Variants in PLGRKT observed in about 807,000 individuals in gnomAD.
PLGRKT encodes the protein plasminogen receptor with a C-terminal lysine.
Under a neutral mutation model 18.5 loss-of-function variants are expected in PLGRKT, and 22 were observed. The ratio of observed to expected loss-of-function variants is 1.19; its 90% CI spans 0.85 to 1.70. PLGRKT has a LOEUF of 1.70. PLGRKT is among the 40% of genes most tolerant of loss of function. The pLI is 0.00. For missense variants in PLGRKT, 235 were observed against 174.4 expected, an observed-to-expected ratio of 1.35 and a Z score of -1.96; for synonymous variants, 72 against 52.8, an observed-to-expected ratio of 1.36 and a Z score of -1.58.
chr9:5,392,041 T>C (rs562893982), intron 3 of PLGRKT, among the ~76,000 whole-genome samples: 1 of 152,036 alleles, frequency 6.6e-6, no homozygotes, highest in East Asian at 1.9e-4. Flanking sequence ...ATATGTACCA[T>C]GAGACCTAGA....
intron 3 of PLGRKT, among the ~76,000 whole-genome samples, chr9:5,416,013 T>A (rs1818452029): frequency 6.6e-6 from 1 of 151,980 alleles, no homozygotes; most frequent in South Asian, 2.1e-4. Flanking sequence ...CTGGTTTTGA[T>A]CATTGTACAA....
At chr9:5,384,119 T>C (rs941594118) in intron 3 of PLGRKT, among the ~76,000 whole-genome samples, 5 of 152,238 alleles carry the variant, frequency 3.3e-5, no homozygotes, top group African/African-American at 1.2e-4. Context: ...ATTGGAGTTC[T>C]AGGTTTGAGA....
chr9:5,359,835 A>C (rs1475859084), intron 5 of PLGRKT, among the ~76,000 whole-genome samples: 2 of 152,228 alleles, frequency 1.3e-5, no homozygotes, highest in East Asian at 3.8e-4. Flanking sequence ...TTTACCAACC[A>C]GTTCTCTGAA....
intron 3 of PLGRKT, among the ~76,000 whole-genome samples, chr9:5,395,371 T>C (rs1289823423): frequency 6.6e-6 from 1 of 151,952 alleles, no homozygotes; most frequent in Non-Finnish European, 1.5e-5. Flanking sequence ...TTTATAATAA[T>C]TGTCAAGCAA....
intron 3 of PLGRKT, among the ~76,000 whole-genome samples, chr9:5,380,119 C>G (rs945668471): frequency 2.0e-5 from 3 of 152,106 alleles, no homozygotes; most frequent in African/African-American, 7.2e-5. Flanking sequence ...AATCCCCGCA[C>G]TTTGGGAGGC....
At chr9:5,419,994 A>G (rs1290798368) in intron 3 of PLGRKT, among the ~76,000 whole-genome samples, 1 of 152,244 alleles carries the variant, frequency 6.6e-6, no homozygotes, top group African/African-American at 2.4e-5. Context: ...ACATATGACT[A>G]GGTAAACAAA....
intron 3 of PLGRKT, among the ~76,000 whole-genome samples, chr9:5,405,850 A>G (rs1371000316): frequency 6.6e-6 from 1 of 152,206 alleles, no homozygotes; most frequent in Non-Finnish European, 1.5e-5. Context: ...AATTTTTGCA[A>G]TCTATCCATC....
chr9:5,367,832 T>C (rs1817428321), intron 3 of PLGRKT, among the ~76,000 whole-genome samples: 3 of 151,980 alleles, frequency 2.0e-5, no homozygotes. Flanking sequence ...TATTTGCAAA[T>C]TATATATCTG....
At chr9:5,427,631 T>G (rs1818728471) in intron 3 of PLGRKT, among the ~76,000 whole-genome samples, 2 of 152,232 alleles carry the variant, frequency 1.3e-5, no homozygotes, top group Non-Finnish European at 1.5e-5. Context: ...TAGGCTTCAG[T>G]ACAATCCATG....
chr9:5,437,009 C>T (rs891732908), intron 1 of PLGRKT, among the ~76,000 whole-genome samples: 4 of 152,160 alleles, frequency 2.6e-5, no homozygotes, highest in Non-Finnish European at 5.9e-5. Context: ...CAATTTTAAA[C>T]ATCACTGTGT....
intron 3 of PLGRKT, among the ~76,000 whole-genome samples, chr9:5,391,345 G>A (rs1026843152): frequency 1.3e-5 from 2 of 151,940 alleles, no homozygotes; most frequent in Admixed American, 1.3e-4. Flanking sequence ...GGAAATAAAA[G>A]CTAAGATAAG....
rs12340383 is a variant in PLGRKT, at chr9:5,373,332, A to T, written c.82-11444T>A. Among the ~76,000 whole-genome samples the T allele has an allele frequency of 2.3e-3, 348 of 152,264 alleles. 2 individuals carry two copies. Among genetic ancestry groups the T allele is most frequent in the African/African-American group, 7.9e-3 (327 of 41,550 alleles). On this transcript the variant is annotated intron_variant, in intron 3 of 5. Coordinates refer to ENST00000223864, the MANE Select transcript of PLGRKT (RefSeq NM_018465.4). ...TGACTTCCTCTTCCTTGCTTATCTA[A>T]TTCCTCAGAGAACTAACTGGGAGAA...
At chr9:5,426,887 C>T (rs1486646250) in intron 3 of PLGRKT, among the ~76,000 whole-genome samples, 1 of 152,328 alleles carries the variant, frequency 6.6e-6, no homozygotes, top group African/African-American at 2.4e-5. Flanking sequence ...TCCATCCCAG[C>T]ATCCAACGAG....
chr9:5,370,419 A>G (rs1331315051), intron 3 of PLGRKT, among the ~76,000 whole-genome samples: 1 of 152,232 alleles, frequency 6.6e-6, no homozygotes, highest in East Asian at 1.9e-4. Flanking sequence ...GACATTATCC[A>G]AAATCATTCT....
Position 5,361,761 on chromosome 9 carries a change from G to C in PLGRKT, c.209C>G (p.Ala70Gly). The change falls in exon 4 of 6, where the codon GCT becomes GGT. Residue 70 changes from alanine (A) to glycine (G), a missense_variant. Transcript: ENST00000223864. The stretch of plus-strand genomic sequence containing the variant: ...AAATGTTAAATAGCAAACATACCCA[G>C]CTGTTAAAGAGATGGCTGCAAGGCC... ...FFGLAAISLT[A>G]GAIKKKKPAF... 2 of 1,605,942 alleles carry C rather than the reference G, an allele frequency of 1.2e-6. No individual in the cohort carries two copies. The highest frequency in any genetic ancestry group is 1.7e-6 in the Non-Finnish European group (2 of 1,177,864).
intron 3 of PLGRKT, among the ~76,000 whole-genome samples, chr9:5,378,025 C>T (rs1817664864): frequency 6.6e-6 from 1 of 152,150 alleles, no homozygotes; most frequent in Non-Finnish European, 1.5e-5. Flanking sequence ...TGCTCATCCA[C>T]CCTAAAGGGA....
At chr9:5,398,482 C>CTT (rs3043353) in intron 3 of PLGRKT, among the ~76,000 whole-genome samples, 2 of 151,884 alleles carry the variant, frequency 1.3e-5, no homozygotes, top group African/African-American at 2.4e-5. Flanking sequence ...TGTGATCTTC[C>CTT]TTTTTTGTAG....
rs574605402 is a variant in PLGRKT, at chr9:5,405,738, A to G, written c.81+26159T>C. Among the ~76,000 whole-genome samples, 1,122 of 152,348 alleles carry G rather than the reference A, an allele frequency of 7.4e-3. 14 individuals carry two copies. Among genetic ancestry groups the G allele is most frequent in the African/African-American group, 0.026 (1,079 of 41,576 alleles). On this transcript the variant is annotated intron_variant, in intron 3 of 5. Coordinates refer to ENST00000223864, the MANE Select transcript of PLGRKT (RefSeq NM_018465.4). ...TGAAATTGCCAAAGGCAACTGCAAC[A>G]AAAGCAAAAATTGACAAATGGGATC...
chr9:5,392,102 G>T (rs989060847), intron 3 of PLGRKT, among the ~76,000 whole-genome samples: 1 of 151,886 alleles, frequency 6.6e-6, no homozygotes, highest in African/African-American at 2.4e-5. Context: ...GAACACACTG[G>T]GACAAATTGA....
Sources: gnomAD v4.1 joint callset for allele counts (sites outside exome capture counted in the v4.1 genomes callset) on GRCh38, gnomAD v4.1.1 for gene constraint, MANE v1.5 for transcripts, NCBI Gene and HGNC (gene_info 2026-07-23, HGNC 2026-07-21) for gene names.